The following ZNF569 variants were observed in gnomAD, a reference collection of about 807,000 sequenced individuals.
ZNF569 encodes the protein zinc finger protein 569, also known as DNA-binding protein.
A neutral mutation model predicts 56.3 loss-of-function variants in ZNF569; 38 were observed. The ratio of observed to expected loss-of-function variants is 0.68; its 90% CI spans 0.52 to 0.88. The LOEUF is 0.88. Ranked by LOEUF, ZNF569 falls within the 40% of genes least tolerant of loss-of-function variation. ZNF569 has a pLI of 0.00. For synonymous variants in ZNF569, 241 were observed against 262.9 expected (o/e 0.92, Z 0.81); for missense variants, 666 against 809.2 (o/e 0.82, Z 2.15).
At chr19:37,443,696 T>C (rs1163699259) in intron 3 of ZNF569, among the ~76,000 whole-genome samples, 1 of 152,018 alleles carries the variant, frequency 6.6e-6, no homozygotes, top group Non-Finnish European at 1.5e-5. Flanking sequence ...TTTCTTAAGA[T>C]AGTCTAGTTT....
Position 37,428,524 on chromosome 19 carries a change from T to TAAAA in ZNF569, c.16-2150_16-2147dup, listed in dbSNP as rs577659092. Among the ~76,000 whole-genome samples, 16 of 87,976 alleles carry TAAAA rather than the reference T, an allele frequency of 1.8e-4. 1 individual carries two copies. The highest frequency in any genetic ancestry group is 6.3e-4 in the African/African-American group (15 of 23,690). 57.7% of individuals were successfully genotyped at this position (87,976 alleles called of 152,430 possible). On this transcript the variant is annotated intron_variant, in intron 3 of 5. Coordinates refer to ENST00000316950, the MANE Select transcript of ZNF569 (RefSeq NM_152484.3). ...GGCAATAGAACAAGACCCTGTCTCT[T>TAAAA]AAAAAAAAAAAAAAAAAAAAAGCTG...
At chr19:37,439,727 TAAAA>T (rs1247786485) in intron 3 of ZNF569, among the ~76,000 whole-genome samples, 3 of 152,134 alleles carry the variant, frequency 2.0e-5, no homozygotes, top group Non-Finnish European at 4.4e-5. Flanking sequence ...TATTCAGCCA[TAAAA>T]AAGAAGAGCC....
Position 37,426,274 on chromosome 19 carries a change from GT to G in ZNF569, c.119del (p.Asn40ThrfsTer5), listed in dbSNP as rs1408203582. The G allele has an allele frequency of 8.1e-6, 13 of 1,612,860 alleles. No individual in the cohort carries two copies. The highest frequency in any genetic ancestry group is 9.3e-6 in the Non-Finnish European group (11 of 1,179,568). ...RKLYRNVMLE[N>X]YNNLITVGYP... ...TACCTACTGTGATTAAGTTGTTATA[GT>G]TTTCTAGCATCACATTCCGGTACAG... On this transcript the variant is annotated frameshift_variant, in exon 4 of 6. Coordinates refer to ENST00000316950, the MANE Select transcript of ZNF569 (RefSeq NM_152484.3). LOFTEE classifies it high-confidence loss of function.
intron 5 of ZNF569, 172 bp downstream of exon 5, chr19:37,425,696 C>T (rs936658448): frequency 5.8e-6 from 3 of 521,590 alleles, no homozygotes; most frequent in Admixed American, 5.4e-5. Context: ...AACTCCTGGA[C>T]TCAAGCAATC....
chr19:37,443,777 C>G (rs933116374), intron 3 of ZNF569, among the ~76,000 whole-genome samples: 2 of 151,194 alleles, frequency 1.3e-5, no homozygotes, highest in Non-Finnish European at 2.9e-5. Flanking sequence ...GAGGTCAAGG[C>G]AGGTGGATCA....
chr19:37,455,277 C>T (rs1353273939), intron 2 of ZNF569, among the ~76,000 whole-genome samples: 6 of 152,090 alleles, frequency 3.9e-5, no homozygotes, highest in South Asian at 2.1e-4. Context: ...TCAGAAAAGA[C>T]GGAATTCAGT....
chr19:37,429,786 C>A (rs940615193), intron 3 of ZNF569, among the ~76,000 whole-genome samples: 2 of 152,204 alleles, frequency 1.3e-5, no homozygotes, highest in Non-Finnish European at 2.9e-5. Flanking sequence ...CTGGCTGAGA[C>A]TTTCTCACAA....
chr19:37,439,743 A>G (rs7252325), intron 3 of ZNF569, among the ~76,000 whole-genome samples: 38,750 of 152,150 alleles, frequency 0.25, 5,877 homozygotes, highest in African/African-American at 0.41. Context: ...AGAAGAGCCT[A>G]TCATTTGCAA....
rs760336017 is a variant in ZNF569 at position 37,418,373 on chromosome 19, C to A, written c.239-3954G>T. On this transcript the variant is annotated intron_variant, in intron 5 of 5. Transcript: ENST00000316950. Reference sequence around the variant, plus strand: ...GAGGTTAAATATGGTATAATAAATACATGAGTTTAGCTCAGATTCTATCCA... The same window carrying A: ...GAGGTTAAATATGGTATAATAAATAAATGAGTTTAGCTCAGATTCTATCCA... Among the ~76,000 whole-genome samples the A allele has an allele frequency of 2.6e-4, 39 of 151,998 alleles. 1 individual carries two copies. The highest frequency in any genetic ancestry group is 4.3e-4 in the Non-Finnish European group (29 of 68,014).
upstream of ZNF569, chr19:37,467,500 A>G (rs2041867886): frequency 4.2e-6 from 1 of 235,448 alleles, no homozygotes; most frequent in Non-Finnish European, 8.2e-6. Flanking sequence ...CCCCACCTGC[A>G]AAAAGGCACT....
chr19:37,434,555 G>A (rs1040590394), intron 3 of ZNF569, among the ~76,000 whole-genome samples: 1 of 152,162 alleles, frequency 6.6e-6, no homozygotes, highest in Non-Finnish European at 1.5e-5. Context: ...TGGGCGTGGA[G>A]TGGCGCAAGC....
chr19:37,433,296 C>T (rs897020020), intron 3 of ZNF569, among the ~76,000 whole-genome samples: 1 of 152,004 alleles, frequency 6.6e-6, no homozygotes, highest in Non-Finnish European at 1.5e-5. Flanking sequence ...TGAAAACACA[C>T]AGTAAGAGGA....
chr19:37,416,857 C>T (rs2040942277), intron 5 of ZNF569, among the ~76,000 whole-genome samples: 1 of 152,076 alleles, frequency 6.6e-6, no homozygotes, highest in Non-Finnish European at 1.5e-5. Flanking sequence ...AAAATGAACA[C>T]ACAGACTTGA....
chr19:37,435,954 C>A (rs975877642), intron 3 of ZNF569, among the ~76,000 whole-genome samples: 1 of 152,078 alleles, frequency 6.6e-6, no homozygotes, highest in African/African-American at 2.4e-5. Flanking sequence ...TAGAAATCAA[C>A]AAAGAACTAT....
Position 37,465,463 on chromosome 19 carries a change from T to C in ZNF569, c.-194A>G, listed in dbSNP as rs1044911420. 5 of 152,186 alleles carry C rather than the reference T, an allele frequency of 3.3e-5. No homozygotes were observed. The East Asian group carries it at 9.6e-4, about 29-fold the overall frequency. The allele number at this position is 152,186 out of a possible 1,614,324, so 9.4% of individuals were successfully genotyped here. On this transcript the variant is annotated 5_prime_UTR_variant, in exon 2 of 6. The change creates a new upstream start codon in the 5' untranslated region. Coordinates refer to ENST00000316950, the MANE Select transcript of ZNF569 (RefSeq NM_152484.3). The stretch of plus-strand genomic sequence containing the variant: ...TCTATGAATGAATGAATCCTTAATA[T>C]ATGAAGAACTCTGGAAAAGAAATTT...
chr19:37,469,068 A>T, upstream of ZNF569: 1 of 1,006,310 alleles, frequency 9.9e-7, no homozygotes, highest in Non-Finnish European at 1.2e-6. Context: ...GCGCACTTCC[A>T]CACCAGCCCG....
upstream of ZNF569, chr19:37,467,845 A>G (rs1323787592): frequency 6.5e-7 from 1 of 1,534,454 alleles, no homozygotes; most frequent in Non-Finnish European, 8.7e-7. Flanking sequence ...CGCGTTTTAT[A>G]TTCTCGTGGC....
At chr19:37,430,724 C>G (rs949795927) in intron 3 of ZNF569, among the ~76,000 whole-genome samples, 3 of 152,200 alleles carry the variant, frequency 2.0e-5, no homozygotes, top group Admixed American at 2.0e-4. Flanking sequence ...ATCAGGTCAG[C>G]AGTCACAGTA....
At position 37,413,171 on chromosome 19, in the gene ZNF569, C is replaced by T. The variant is rs780367148; in HGVS notation, c.1487G>A (p.Cys496Tyr). The T allele has an allele frequency of 7.5e-6, 12 of 1,606,460 alleles. No individual in the cohort carries two copies. Among genetic ancestry groups the T allele is most frequent in the Non-Finnish European group, 9.3e-6 (11 of 1,177,432 alleles). Residue 496 changes from cysteine (C) to tyrosine (Y), a missense_variant, in exon 6 of 6, where the codon TGC becomes TAC. Physicochemically the swap from Cys to Tyr is radical, Grantham distance 194. Transcript: ENST00000316950. ...GCTGAAGGCTTTACCACATTCATTG[C>T]ATTCATAGGGTTTCTCTCCAGAATG... ...KIHSGEKPYE[C>Y]NECGKAFSQK...
Sources: allele counts gnomAD v4.1 joint callset (sites outside exome capture counted in the v4.1 genomes callset), GRCh38; gene constraint gnomAD v4.1.1; transcripts MANE v1.5; gene names NCBI Gene and HGNC (gene_info 2026-07-23, HGNC 2026-07-21).